Variants in SNTB1 observed in about 807,000 individuals in gnomAD.
SNTB1 encodes beta-1-syntrophin.
SNTB1 carries 36 observed loss-of-function variants against 48.9 expected under a neutral mutation model. The observed-to-expected ratio is 0.74, with a 90% CI of 0.56 to 0.97. The LOEUF is 0.97. Ranked by LOEUF, SNTB1 falls within the 50% of genes least tolerant of loss-of-function variation. SNTB1 has a pLI of 0.00. For synonymous variants in SNTB1, 299 were observed against 294.6 expected (o/e 1.01, Z -0.15); for missense variants, 786 against 703.4 (o/e 1.12, Z -1.33).
intron 3 of SNTB1, among the ~76,000 whole-genome samples, 179 bp from the exon 4 acceptor site, chr8:120,575,404 T>G (rs1815935220): frequency 6.6e-6 from 1 of 152,228 alleles, no homozygotes; most frequent in Non-Finnish European, 1.5e-5. Flanking sequence ...TGAAAATATC[T>G]GTTGTCTCAA....
chr8:120,722,843 C>T (rs112009884), intron 1 of SNTB1, among the ~76,000 whole-genome samples: 4,762 of 152,132 alleles, frequency 0.031, 231 homozygotes, highest in African/African-American at 0.11. Flanking sequence ...ATGGTATTGC[C>T]TAGGTTTTCT....
intron 3 of SNTB1, among the ~76,000 whole-genome samples, chr8:120,625,712 C>G (rs942543060): frequency 6.6e-6 from 1 of 152,184 alleles, no homozygotes; most frequent in African/African-American, 2.4e-5. Context: ...CTTGATGACT[C>G]TCTTTTAAAG....
intron 3 of SNTB1, among the ~76,000 whole-genome samples, chr8:120,594,556 T>A (rs1231283825): frequency 6.6e-6 from 1 of 152,112 alleles, no homozygotes; most frequent in African/African-American, 2.4e-5. Context: ...TTATTGTTTG[T>A]AGAGACAGGG....
Position 120,753,200 on chromosome 8 carries a change from CAT to C in SNTB1, c.571+58071_571+58072del, listed in dbSNP as rs1819252860. ...CCACATTAAACTACTGTTTGAAACTCATATAATACACACCAAGGAAAAATGGT... is the reference window on the plus strand; with the variant it reads ...CCACATTAAACTACTGTTTGAAACTCATAATACACACCAAGGAAAAATGGT... On this transcript the variant is annotated intron_variant, in intron 1 of 6. Coordinates refer to ENST00000517992, the MANE Select transcript of SNTB1 (RefSeq NM_021021.4). Among the ~76,000 whole-genome samples, 4 of 152,172 alleles carry C rather than the reference CAT, an allele frequency of 2.6e-5. No homozygotes were observed. The South Asian group carries it at 8.3e-4, about 32-fold the overall frequency.
At position 120,719,931 on chromosome 8, in the gene SNTB1, C is replaced by T. The variant is rs78531639; in HGVS notation, c.572-26023G>A. Among the ~76,000 whole-genome samples, 198 of 152,332 alleles carry T rather than the reference C, an allele frequency of 1.3e-3. 1 individual carries two copies. The East Asian group carries it at 0.029, about 22-fold the overall frequency. ...GGCGGGCAAGGCTCAAAAAGCCTCG[C>T]CTTCCTATTTGTAAAATGACTTCAA... On this transcript the variant is annotated intron_variant, in intron 1 of 6. Coordinates refer to ENST00000517992, the MANE Select transcript of SNTB1 (RefSeq NM_021021.4).
intron 2 of SNTB1, among the ~76,000 whole-genome samples, chr8:120,691,857 A>AATTCATCAC (rs1484837893): frequency 6.6e-6 from 1 of 152,198 alleles, no homozygotes; most frequent in Non-Finnish European, 1.5e-5. Flanking sequence ...CTACATCATG[A>AATTCATCAC]ATTCATCACA....
chr8:120,642,087 A>G (rs1216717354), intron 2 of SNTB1, among the ~76,000 whole-genome samples: 1 of 152,214 alleles, frequency 6.6e-6, no homozygotes, highest in African/African-American at 2.4e-5. Context: ...ATCATCCTCC[A>G]GGAAAATCTG....
At chr8:120,658,342 T>C (rs1205895463) in intron 2 of SNTB1, among the ~76,000 whole-genome samples, 3 of 152,044 alleles carry the variant, frequency 2.0e-5, no homozygotes, top group Non-Finnish European at 4.4e-5. Context: ...ATCTATCACA[T>C]AAAGGGACTA....
At chr8:120,557,314 C>T (rs1815580904) in intron 4 of SNTB1, among the ~76,000 whole-genome samples, 1 of 152,188 alleles carries the variant, frequency 6.6e-6, no homozygotes, top group Admixed American at 6.5e-5. Context: ...CCATCAAAGC[C>T]ATCTCTGGAC....
chr8:120,731,956 G>A (rs1031609820), intron 1 of SNTB1, among the ~76,000 whole-genome samples: 1 of 152,170 alleles, frequency 6.6e-6, no homozygotes, highest in African/African-American at 2.4e-5. Context: ...CATGGGAATG[G>A]GGGTAGTGTA....
Position 120,705,344 on chromosome 8 carries a change from C to T in SNTB1, c.572-11436G>A, listed in dbSNP as rs141126194. ...AATGTAAGTAAAAATCTACAAGAAACGGGATAGTAAACACTGAAAGGTACA... is the reference window on the plus strand; with the variant it reads ...AATGTAAGTAAAAATCTACAAGAAATGGGATAGTAAACACTGAAAGGTACA... On this transcript the variant is annotated intron_variant, in intron 1 of 6. Transcript: ENST00000517992. Among the ~76,000 whole-genome samples, 7 of 152,252 alleles carry T rather than the reference C, an allele frequency of 4.6e-5. No individual in the cohort carries two copies. In the East Asian group the frequency reaches 5.8e-4, roughly 13 times the overall value.
intron 2 of SNTB1, among the ~76,000 whole-genome samples, chr8:120,649,741 C>G (rs1372371901): frequency 6.6e-6 from 1 of 152,216 alleles, no homozygotes; most frequent in Non-Finnish European, 1.5e-5. Flanking sequence ...GAAGCCTGGG[C>G]AATGGCGGGC....
chr8:120,692,125 A>C (rs1818139127), intron 2 of SNTB1, among the ~76,000 whole-genome samples: 1 of 152,192 alleles, frequency 6.6e-6, no homozygotes, highest in Non-Finnish European at 1.5e-5. Context: ...ATCCCTGTAC[A>C]GAAATAACTA....
At chr8:120,660,114 GA>G in intron 2 of SNTB1, among the ~76,000 whole-genome samples, 2 of 152,308 alleles carry the variant, frequency 1.3e-5, no homozygotes, top group South Asian at 4.1e-4. Context: ...AGGATATTTA[GA>G]ATGGCAAATA....
intron 3 of SNTB1, among the ~76,000 whole-genome samples, chr8:120,623,768 T>C (rs1373442066): frequency 6.6e-6 from 1 of 152,148 alleles, no homozygotes; most frequent in Non-Finnish European, 1.5e-5. Flanking sequence ...AAAATCATTG[T>C]GTTTTGACCA....
At chr8:120,579,205 C>A (rs1285254580) in intron 3 of SNTB1, among the ~76,000 whole-genome samples, 1 of 98,008 alleles carries the variant, frequency 1.0e-5, no homozygotes, top group African/African-American at 3.8e-5. Context: ...AACAAACAAA[C>A]AAACAAACAA....
chr8:120,690,361 TTGGA>T (rs906466635), intron 2 of SNTB1, among the ~76,000 whole-genome samples: 1 of 152,196 alleles, frequency 6.6e-6, no homozygotes, highest in African/African-American at 2.4e-5. Context: ...TTGCCCTTAC[TTGGA>T]TGGAAAGTGG....
intron 2 of SNTB1, among the ~76,000 whole-genome samples, chr8:120,691,549 G>T (rs1245262083): frequency 6.6e-6 from 1 of 152,178 alleles, no homozygotes; most frequent in Admixed American, 6.5e-5. Context: ...ATGATGAGGA[G>T]AGTTCATTCC....
At position 120,571,086 on chromosome 8, in the gene SNTB1, C is replaced by T. The variant is rs563694461; in HGVS notation, c.1136+4000G>A. On this transcript the variant is annotated intron_variant, in intron 4 of 6. Transcript: ENST00000517992. ...ATAGTAGATGATTTATAAATGTTGA[C>T]TGATGAATGAATGAATGAATGAAAA... 226 of 654,668 alleles carry T rather than the reference C, an allele frequency of 3.5e-4. 1 individual carries two copies. The African/African-American group carries it at 4.0e-3, about 12-fold the overall frequency. The allele number at this position is 654,668 out of a possible 1,614,324, so 40.6% of individuals were successfully genotyped here.
Sources: gnomAD v4.1 joint callset for allele counts (sites outside exome capture counted in the v4.1 genomes callset) on GRCh38, gnomAD v4.1.1 for gene constraint, MANE v1.5 for transcripts, NCBI Gene and HGNC (gene_info 2026-07-23, HGNC 2026-07-21) for gene names.